Variants in MRPL38 observed in about 807,000 individuals in gnomAD.
The protein encoded by MRPL38 is large ribosomal subunit protein mL38.
In MRPL38, 51 loss-of-function variants were observed where a neutral mutation model predicts 52.1. The ratio of observed to expected loss-of-function variants is 0.98; its 90% CI spans 0.78 to 1.24. The LOEUF is 1.24. Among genes scored for constraint, MRPL38 ranks in the 50% most tolerant of loss-of-function variants. The probability of loss-of-function intolerance (pLI) is 0.00; values close to 1 mark genes in which losing one functional copy is unlikely to be tolerated. For synonymous variants in MRPL38, 245 were observed against 212.7 expected, an observed-to-expected ratio of 1.15 and a Z score of -1.32; for missense variants, 527 against 518.6, an observed-to-expected ratio of 1.02 and a Z score of -0.16.
At position 75,904,811 on chromosome 17, in the gene MRPL38, G is replaced by T; in HGVS notation, c.65C>A (p.Ser22Ter). 1 of 937,858 alleles carries T rather than the reference G, an allele frequency of 1.1e-6. No homozygotes were observed. The highest frequency in any genetic ancestry group is 1.4e-6 in the Non-Finnish European group (1 of 727,772). 58.1% of individuals were successfully genotyped at this position (937,858 alleles called of 1,614,324 possible). ...ECRRWRGFST[S>*]AVLGRRTPPL... ...CCGCAGAGCTGCCCACCCCTCACCC[G>T]AGGTGCTGAAGCCCCGCCATCTCCG... is the stretch of plus-strand genomic sequence containing the variant. Residue 22 changes from serine (S) to a stop codon, truncating the protein, a stop_gained and splice_region_variant, in exon 1 of 9, where the codon TCG (serine) becomes TAG (stop). Transcript: ENST00000309352. LOFTEE classifies it high-confidence loss of function.
chr17:75,901,189 CCA>C lies in MRPL38; in HGVS notation c.664+10_664+11del. 2.5e-6 allele frequency: 4 copies of C among 1,613,200 alleles called. No homozygotes were observed. The South Asian group carries it at 3.3e-5, about 13-fold the overall frequency. On this transcript the variant is annotated intron_variant, in intron 5 of 8. Coordinates refer to ENST00000309352, the MANE Select transcript of MRPL38 (RefSeq NM_032478.4). This position sits in a 1 kb window ranked among gnomAD's most constrained non-coding sequence, Gnocchi z 5.7. ...AGCGGGGCAGGAGGCCTGGTGAGCCCCAGACACCCACCCAAGCTAGTGAGTAG... is the reference window on the plus strand; with the variant it reads ...AGCGGGGCAGGAGGCCTGGTGAGCCCGACACCCACCCAAGCTAGTGAGTAG...
intron 2 of MRPL38, 73 bp downstream of exon 2, chr17:75,904,467 G>A: frequency 3.5e-6 from 5 of 1,436,398 alleles, no homozygotes; most frequent in Non-Finnish European, 3.7e-6. Context: ...CTCGCCCAGC[G>A]CCCGGGGAAA....
Position 75,899,640 on chromosome 17 carries a change from G to A in MRPL38, c.745C>T (p.Gln249Ter). 1.3e-6 allele frequency: 2 copies of A among 1,593,354 alleles called. No homozygotes were observed. Among genetic ancestry groups the A allele is most frequent in the Non-Finnish European group, 8.6e-7 (1 of 1,168,918 alleles). ...NIPGNRVAEG[Q>*]VTCPYLPPFP... The stretch of plus-strand genomic sequence containing the variant: ...GGGGGGAGGTAGGGACACGTCACCT[G>A]TCCTTCAGCCACCCGGTTACCCGGG... The change falls in exon 7 of 9, where the codon CAG (glutamine) becomes TAG (stop). Residue 249 changes from glutamine (Q) to a stop codon, truncating the protein, a stop_gained. Transcript: ENST00000309352. LOFTEE classifies it high-confidence loss of function.
Position 75,899,066 on chromosome 17 carries a change from C to A in MRPL38, c.1007-80G>T. On this transcript the variant is annotated intron_variant, in intron 8 of 8. Transcript: ENST00000309352. Reference sequence around the variant, plus strand: ...TGAGGCCTGCCCACCAGGGACCTGCCGCAGCCTTCCCCTAACAAAGCTTCT... The same window carrying A: ...TGAGGCCTGCCCACCAGGGACCTGCAGCAGCCTTCCCCTAACAAAGCTTCT... 5 of 1,531,978 alleles carry A rather than the reference C, an allele frequency of 3.3e-6. No homozygotes were observed. The South Asian group carries it at 6.3e-5, about 19-fold the overall frequency. The allele number at this position is 1,531,978 out of a possible 1,614,324, so 94.9% of individuals were successfully genotyped here.
At chr17:75,904,769 A>AGGGG in intron 1 of MRPL38, 40 bp downstream of exon 1, 21 of 454,396 alleles carry the variant, frequency 4.6e-5, no homozygotes, top group Non-Finnish European at 6.7e-5. Context: ...CTCGGGCGAC[A>AGGGG]GCCCCCCCCC....
chr17:75,904,838 C>T lies in MRPL38; in HGVS notation c.38G>A (p.Cys13Tyr), dbSNP rs1415777370. The T allele has an allele frequency of 6.5e-7, 1 of 1,527,340 alleles. No individual in the cohort carries two copies. The highest frequency in any genetic ancestry group is 2.5e-5 in the East Asian group (1 of 39,536). The allele number at this position is 1,527,340 out of a possible 1,614,324, so 94.6% of individuals were successfully genotyped here. A position where few individuals can be genotyped will look rare whatever the true frequency, so the allele number is the denominator to read the frequency against. Residue 13 changes from cysteine to tyrosine, a missense_variant, in exon 1 of 9, where the codon TGT (cysteine) becomes TAT (tyrosine). Physicochemically the swap from Cys to Tyr is radical, Grantham distance 194. Coordinates refer to ENST00000309352, the MANE Select transcript of MRPL38 (RefSeq NM_032478.4). ...GGTGCTGAAGCCCCGCCATCTCCGA[C>T]ACTCGCACAGCGCGGCTCGCCACCA... ...APWWRAALCE[C>Y]RRWRGFSTSA... is the part of the protein sequence containing the mutation.
intron 6 of MRPL38, chr17:75,900,682 C>T (rs979897443): frequency 3.9e-6 from 4 of 1,036,510 alleles, no homozygotes; most frequent in Non-Finnish European, 4.9e-6. Flanking sequence ...GATTGCACCA[C>T]TGTACTCCAG....
At chr17:75,903,648 C>CTA (rs1465249144) in intron 2 of MRPL38, among the ~76,000 whole-genome samples, 1 of 151,856 alleles carries the variant, frequency 6.6e-6, no homozygotes, top group Non-Finnish European at 1.5e-5. Flanking sequence ...AAAACTGCCT[C>CTA]TATAAATGCT....
chr17:75,901,609 CAG>C lies in MRPL38; in HGVS notation c.591+101_591+102del, dbSNP rs2144132816. 2 of 965,260 alleles carry C rather than the reference CAG, an allele frequency of 2.1e-6. No individual in the cohort carries two copies. The highest frequency in any genetic ancestry group is 5.1e-5 in the East Asian group (2 of 39,110). 59.8% of individuals were successfully genotyped at this position (965,260 alleles called of 1,614,324 possible). A position where few individuals can be genotyped will look rare whatever the true frequency, so the allele number is the denominator to read the frequency against. ...GTCGTCTTCCAGGAAATCAAAGAGACAGAGAACAACAAAATTCCAAACCCAGG... is the reference window on the plus strand; with the variant it reads ...GTCGTCTTCCAGGAAATCAAAGAGACAGAACAACAAAATTCCAAACCCAGG... On this transcript the variant is annotated intron_variant, in intron 4 of 8. Transcript: ENST00000309352. This position sits in a 1 kb window ranked among gnomAD's most constrained non-coding sequence, Gnocchi z 5.7.
Position 75,904,802 on chromosome 17 carries a change from C to A in MRPL38, c.67+7G>T. 2.6e-6 allele frequency: 4 copies of A among 1,513,868 alleles called. No homozygotes were observed. The highest frequency in any genetic ancestry group is 3.5e-6 in the Non-Finnish European group (4 of 1,135,108). 93.8% of individuals were successfully genotyped at this position (1,513,868 alleles called of 1,614,324 possible). Reference sequence around the variant, plus strand: ...CCCCCCCCCCCGCAGAGCTGCCCACCCCTCACCCGAGGTGCTGAAGCCCCG... The same window carrying A: ...CCCCCCCCCCCGCAGAGCTGCCCACACCTCACCCGAGGTGCTGAAGCCCCG... On this transcript the variant is annotated splice_region_variant and intron_variant, in intron 1 of 8. Transcript: ENST00000309352.
chr17:75,902,428 G>T, intron 2 of MRPL38: 1 of 447,596 alleles, frequency 2.2e-6, no homozygotes, highest in Non-Finnish European at 4.0e-6. Flanking sequence ...TAAAAAATCT[G>T]AGAGATGGGA....
rs781649200 is a variant in MRPL38 at position 75,898,774 on chromosome 17, T to C, written c.*76A>G. 362 of 1,563,982 alleles carry C rather than the reference T, an allele frequency of 2.3e-4. No homozygotes were observed. The highest frequency in any genetic ancestry group is 3.0e-4 in the Non-Finnish European group (349 of 1,148,656). On this transcript the variant is annotated 3_prime_UTR_variant, in exon 9 of 9. Transcript: ENST00000309352. Reference sequence around the variant, plus strand: ...CTAAGGCAGGGCCCAGACCCCACAGTGTGGGCCTCTGGAGCTGTGTCTTTA... The same window carrying C: ...CTAAGGCAGGGCCCAGACCCCACAGCGTGGGCCTCTGGAGCTGTGTCTTTA...
rs76054219 is a variant in MRPL38, at chr17:75,901,896, C to T, written c.407G>A (p.Arg136Gln). The change falls in exon 4 of 9, where the codon CGG becomes CAG. Residue 136 changes from arginine to glutamine, a missense_variant. Arg to Gln is a conservative substitution (Grantham distance 43). Coordinates refer to ENST00000309352, the MANE Select transcript of MRPL38 (RefSeq NM_032478.4). The surrounding 1 kb of genome is among the most constrained non-coding windows in gnomAD (Gnocchi z 5.7). ...GCCACAGGTCCTCTCCCACTCGGCCCGCACGGCATCCAGCGGGACACTGGC... is the reference window on the plus strand; with the variant it reads ...GCCACAGGTCCTCTCCCACTCGGCCTGCACGGCATCCAGCGGGACACTGGC... ...RTASVPLDAVRAEWERTCGPY... is the reference protein window; with the variant it reads ...RTASVPLDAVQAEWERTCGPY... 1.6e-3 allele frequency: 2,628 copies of T among 1,611,952 alleles called. 5 individuals are homozygous for T. Among genetic ancestry groups the T allele is most frequent in the Non-Finnish European group, 2.1e-3 (2,419 of 1,179,518 alleles).
chr17:75,903,714 G>A, intron 2 of MRPL38, among the ~76,000 whole-genome samples: 1 of 151,936 alleles, frequency 6.6e-6, no homozygotes, highest in Non-Finnish European at 1.5e-5. Flanking sequence ...GTTCCTTAAA[G>A]GTTGGGGTCT....
rs1304699203 is a variant in MRPL38, at chr17:75,901,621, A to G, written c.591+91T>C. 3 of 1,146,414 alleles carry G rather than the reference A, an allele frequency of 2.6e-6. No homozygotes were observed. The highest frequency in any genetic ancestry group is 2.3e-4 in the Middle Eastern group (1 of 4,356). 71.0% of individuals were successfully genotyped at this position (1,146,414 alleles called of 1,614,324 possible). A position where few individuals can be genotyped will look rare whatever the true frequency, so the allele number is the denominator to read the frequency against. On this transcript the variant is annotated intron_variant, in intron 4 of 8. Transcript: ENST00000309352. This position sits in a 1 kb window ranked among gnomAD's most constrained non-coding sequence, Gnocchi z 5.7. Reference sequence around the variant, plus strand: ...GAAATCAAAGAGACAGAGAACAACAAAATTCCAAACCCAGGAGTGTCTGTG... The same window carrying G: ...GAAATCAAAGAGACAGAGAACAACAGAATTCCAAACCCAGGAGTGTCTGTG...
intron 2 of MRPL38, chr17:75,904,138 A>G: frequency 2.2e-6 from 1 of 446,400 alleles, no homozygotes; most frequent in East Asian, 6.8e-5. Flanking sequence ...ATGGAGGGCA[A>G]GACAAGCAGG....
At position 75,899,622 on chromosome 17, in the gene MRPL38, G is replaced by A. The variant is rs761366700; in HGVS notation, c.763C>T (p.Leu255Phe). The A allele has an allele frequency of 7.5e-6, 12 of 1,605,766 alleles. No homozygotes were observed. The East Asian group carries it at 2.7e-4, about 36-fold the overall frequency. ...GAGCCTCGGGCAGGGAAGGGGGGGA[G>A]GTAGGGACACGTCACCTGTCCTTCA... is the stretch of plus-strand genomic sequence containing the variant. ...VAEGQVTCPY[L>F]PPFPARGSGI... The change falls in exon 7 of 9, where the codon CTC becomes TTC. Residue 255 changes from leucine to phenylalanine, a missense_variant. Coordinates refer to ENST00000309352, the MANE Select transcript of MRPL38 (RefSeq NM_032478.4).
At chr17:75,903,512 A>G (rs2065414635) in intron 2 of MRPL38, among the ~76,000 whole-genome samples, 1 of 152,194 alleles carries the variant, frequency 6.6e-6, no homozygotes, top group South Asian at 2.1e-4. Flanking sequence ...CCTCACAGCA[A>G]TTTTGTAGCA....
At chr17:75,900,869 T>G (rs1599472814) in intron 6 of MRPL38, 113 bp downstream of exon 6, 1 of 1,457,840 alleles carries the variant, frequency 6.9e-7, no homozygotes, top group Non-Finnish European at 9.1e-7. Context: ...AGGTGGCAGG[T>G]GAATTCAAGG....
Sources: allele counts gnomAD v4.1 joint callset (sites outside exome capture counted in the v4.1 genomes callset), GRCh38; gene constraint gnomAD v4.1.1; non-coding constraint Gnocchi (gnomAD v3.1); transcripts MANE v1.5; gene names NCBI Gene and HGNC (gene_info 2026-07-23, HGNC 2026-07-21).